LRRC4C: variants seen among roughly 807,000 people sequenced by gnomAD.
The protein encoded by LRRC4C is leucine-rich repeat-containing protein 4C.
A neutral mutation model predicts 33.6 loss-of-function variants in LRRC4C; 5 were observed. The observed-to-expected ratio is 0.15, with a 90% CI of 0.08 to 0.31. The LOEUF is 0.31. LRRC4C is among the 10% of genes least tolerant of loss of function. LRRC4C has a pLI of 1.00. For missense variants in LRRC4C, 560 were observed against 796.7 expected, an observed-to-expected ratio of 0.70 and a Z score of 3.58; for synonymous variants, 329 against 302.0, an observed-to-expected ratio of 1.09 and a Z score of -0.93.
At chr11:41,061,884 C>T (rs376021513) in intron 1 of LRRC4C, among the ~76,000 whole-genome samples, 8 of 151,940 alleles carry the variant, frequency 5.3e-5, no homozygotes, top group South Asian at 2.1e-4. Flanking sequence ...TGCAATATGG[C>T]ACCTACCCTT....
rs147186424 is a variant in LRRC4C at position 40,554,478 on chromosome 11, T to C, written c.-270+93664A>G. On this transcript the variant is annotated intron_variant, in intron 3 of 6. Transcript: ENST00000528697. ...GGTTCCCTATGAATTTTAGAATAGC[T>C]TTTTTTCTAATTCTGTAAAAAATGA... Among the ~76,000 whole-genome samples, 12 of 152,300 alleles carry C rather than the reference T, an allele frequency of 7.9e-5. No individual in the cohort carries two copies. The South Asian group carries it at 1.2e-3, about 16-fold the overall frequency.
Position 40,552,993 on chromosome 11 carries a change from G to A in LRRC4C, c.-270+95149C>T, listed in dbSNP as rs1210092054. Among the ~76,000 whole-genome samples, 8 of 152,214 alleles carry A rather than the reference G, an allele frequency of 5.3e-5. No individual in the cohort carries two copies. In the South Asian group the frequency reaches 8.3e-4, roughly 16 times the overall value. ...TGCATATAAAAAGGTGGATCAGGCC[G>A]GGTGCGGTAACTCATGTATGTAACC... On this transcript the variant is annotated intron_variant, in intron 3 of 6. Coordinates refer to ENST00000528697, the MANE Select transcript of LRRC4C (RefSeq NM_001258419.2).
intron 3 of LRRC4C, among the ~76,000 whole-genome samples, chr11:40,353,417 A>AT (rs1947508568): frequency 6.6e-6 from 1 of 152,038 alleles, no homozygotes; most frequent in Non-Finnish European, 1.5e-5. Context: ...TTTCCGTTTG[A>AT]TTTTTAAAAA....
intron 3 of LRRC4C, among the ~76,000 whole-genome samples, chr11:40,584,999 T>C (rs1958654641): frequency 6.6e-6 from 1 of 150,886 alleles, no homozygotes; most frequent in South Asian, 2.1e-4. Flanking sequence ...AAGAGGTTCT[T>C]GGGGGCAGAT....
chr11:41,148,942 T>C (rs972520891), intron 1 of LRRC4C, among the ~76,000 whole-genome samples: 2 of 152,154 alleles, frequency 1.3e-5, no homozygotes, highest in African/African-American at 4.8e-5. Context: ...TCTGCATCCC[T>C]CCTTGGCATG....
intron 3 of LRRC4C, among the ~76,000 whole-genome samples, chr11:40,437,833 G>A (rs555428686): frequency 1.3e-5 from 2 of 152,154 alleles, no homozygotes; most frequent in East Asian, 1.9e-4. Flanking sequence ...TCAGCCTCCC[G>A]AGTAGCTGGG....
At chr11:40,364,829 G>T (rs371414249) in intron 3 of LRRC4C, among the ~76,000 whole-genome samples, 1 of 151,714 alleles carries the variant, frequency 6.6e-6, no homozygotes, top group South Asian at 2.1e-4. Flanking sequence ...AGGAACAAAA[G>T]ATAAAAAAGA....
At chr11:41,214,623 G>A (rs542769572) in intron 1 of LRRC4C, among the ~76,000 whole-genome samples, 68 of 144,198 alleles carry the variant, frequency 4.7e-4, no homozygotes, top group Admixed American at 1.0e-3. Flanking sequence ...GGTGGCGGGC[G>A]CCTGTAGTCC....
chr11:40,980,522 T>C, intron 1 of LRRC4C, among the ~76,000 whole-genome samples: 1 of 152,042 alleles, frequency 6.6e-6, no homozygotes, highest in Non-Finnish European at 1.5e-5. Context: ...TTCTGGGGTA[T>C]GTAAATAAGA....
At position 40,457,214 on chromosome 11, in the gene LRRC4C, T is replaced by G. The variant is rs1426787452; in HGVS notation, c.-269-137493A>C. The stretch of plus-strand genomic sequence containing the variant: ...CAAACAAATCACATGTTGATTGATA[T>G]GAAGTAGAGAACAATTATAAAAAAA... On this transcript the variant is annotated intron_variant, in intron 3 of 6. Coordinates refer to ENST00000528697, the MANE Select transcript of LRRC4C (RefSeq NM_001258419.2). 2.0e-5 allele frequency among the ~76,000 whole-genome samples: 3 copies of G among 151,294 alleles called. No individual in the cohort carries two copies. The East Asian group carries it at 5.8e-4, about 29-fold the overall frequency.
At chr11:40,886,435 A>ACG (rs1554987207) in intron 2 of LRRC4C, among the ~76,000 whole-genome samples, 1 of 151,066 alleles carries the variant, frequency 6.6e-6, no homozygotes, top group Admixed American at 6.6e-5. Flanking sequence ...ACACACACAC[A>ACG]CGCACACACT....
intron 2 of LRRC4C, among the ~76,000 whole-genome samples, chr11:40,656,586 T>C (rs1359247582): frequency 1.3e-5 from 2 of 152,130 alleles, no homozygotes; most frequent in South Asian, 2.1e-4. Context: ...TTTAAGGCCT[T>C]CACGCTCTCG....
intron 1 of LRRC4C, among the ~76,000 whole-genome samples, chr11:40,955,429 TG>T (rs1384252421): frequency 6.6e-6 from 1 of 151,598 alleles, no homozygotes; most frequent in Non-Finnish European, 1.5e-5. Context: ...TCTTCATCAC[TG>T]GGGGGGAAAA....
chr11:40,872,066 G>A (rs1954677871), intron 2 of LRRC4C, among the ~76,000 whole-genome samples: 2 of 152,126 alleles, frequency 1.3e-5, no homozygotes, highest in South Asian at 4.1e-4. Flanking sequence ...GAGCCACAAG[G>A]TCATTTACTA....
chr11:40,946,183 C>T (rs61887560), intron 1 of LRRC4C, among the ~76,000 whole-genome samples: 14,332 of 152,128 alleles, frequency 0.094, 721 homozygotes, highest in African/African-American at 0.12. Flanking sequence ...TGAGGAAGTG[C>T]AGTATTTGGC....
At chr11:41,393,656 G>A (rs947798520) in intron 1 of LRRC4C, among the ~76,000 whole-genome samples, 5 of 151,860 alleles carry the variant, frequency 3.3e-5, no homozygotes, top group African/African-American at 9.7e-5. Context: ...TACCTTATGG[G>A]TTGTTATACT....
chr11:40,866,166 A>C, intron 2 of LRRC4C, among the ~76,000 whole-genome samples: 1 of 35,892 alleles, frequency 2.8e-5, no homozygotes, highest in Non-Finnish European at 7.5e-5. Context: ...GGGTAATTCT[A>C]CTTAAAAAAA....
intron 1 of LRRC4C, among the ~76,000 whole-genome samples, chr11:41,239,844 GA>G (rs1438228572): frequency 6.6e-6 from 1 of 152,056 alleles, no homozygotes; most frequent in African/African-American, 2.4e-5. Flanking sequence ...GTGAATGAAT[GA>G]AAAAGTAATC....
At position 40,562,934 on chromosome 11, in the gene LRRC4C, CT is replaced by C. The variant is rs953127415; in HGVS notation, c.-270+85207del. 3.4e-3 allele frequency among the ~76,000 whole-genome samples: 489 copies of C among 145,686 alleles called. 1 individual carries two copies. The highest frequency in any genetic ancestry group is 5.1e-3 in the Non-Finnish European group (340 of 66,020). ...TTTCTACTCGATCATCACTCCTTTC[CT>C]TTTTTTTTTTCTTTTTTTTTTGTGA... On this transcript the variant is annotated intron_variant, in intron 3 of 6. Transcript: ENST00000528697.
Sources: allele counts gnomAD v4.1 joint callset (sites outside exome capture counted in the v4.1 genomes callset), GRCh38; gene constraint gnomAD v4.1.1; transcripts MANE v1.5; gene names NCBI Gene and HGNC (gene_info 2026-07-23, HGNC 2026-07-21).